The following HCN1 variants were observed in gnomAD, a reference collection of about 807,000 sequenced individuals.
The protein encoded by HCN1 is hyperpolarization activated cyclic nucleotide gated potassium channel 1.
HCN1 carries 13 observed loss-of-function variants against 78.9 expected under a neutral mutation model. The ratio of observed to expected loss-of-function variants is 0.16; its 90% CI spans 0.11 to 0.26. HCN1 has a LOEUF of 0.26. Ranked by LOEUF, HCN1 falls within the 10% of genes least tolerant of loss-of-function variation. The probability of loss-of-function intolerance (pLI) is 1.00; values close to 1 mark genes in which losing one functional copy is unlikely to be tolerated. For missense variants in HCN1, 810 were observed against 1,154.3 expected (o/e 0.70, Z 4.32); for synonymous variants, 552 against 455.5 (o/e 1.21, Z -2.70).
chr5:45,668,526 T>G (rs1448368977), intron 1 of HCN1, among the ~76,000 whole-genome samples: 5 of 151,886 alleles, frequency 3.3e-5, no homozygotes, highest in Non-Finnish European at 5.9e-5. Flanking sequence ...AATTACCCAG[T>G]CTCAGGTAGT....
intron 2 of HCN1, among the ~76,000 whole-genome samples, chr5:45,539,054 C>T (rs1413871060): frequency 6.6e-6 from 1 of 152,126 alleles, no homozygotes; most frequent in Non-Finnish European, 1.5e-5. Flanking sequence ...AGATTTAAAG[C>T]GTAGGTTCAA....
chr5:45,453,384 ATAT>A (rs560463502), intron 3 of HCN1, among the ~76,000 whole-genome samples: 16 of 152,234 alleles, frequency 1.1e-4, no homozygotes, highest in African/African-American at 3.1e-4. Context: ...AAAAAATAAG[ATAT>A]TATAATTGCC....
chr5:45,279,696 C>A (rs1745123725), intron 6 of HCN1, among the ~76,000 whole-genome samples: 1 of 152,028 alleles, frequency 6.6e-6, no homozygotes, highest in African/African-American at 2.4e-5. Flanking sequence ...TTCACTGGTA[C>A]CTCATACATT....
At chr5:45,323,725 C>A (rs1212028588) in intron 5 of HCN1, among the ~76,000 whole-genome samples, 1 of 151,882 alleles carries the variant, frequency 6.6e-6, no homozygotes, top group African/African-American at 2.4e-5. Context: ...ATCCCCCAAC[C>A]CCACGACAGG....
intron 2 of HCN1, among the ~76,000 whole-genome samples, chr5:45,635,518 C>A (rs1258748138): frequency 6.6e-6 from 1 of 152,008 alleles, no homozygotes; most frequent in African/African-American, 2.4e-5. Flanking sequence ...GCCCTGGGAC[C>A]AGTCTCCAGA....
intron 2 of HCN1, among the ~76,000 whole-genome samples, chr5:45,601,045 T>G (rs1354665237): frequency 6.6e-6 from 1 of 152,106 alleles, no homozygotes; most frequent in Non-Finnish European, 1.5e-5. Context: ...ATATATATTT[T>G]TTTTCCTATT....
At chr5:45,347,306 C>G (rs1746763966) in intron 5 of HCN1, among the ~76,000 whole-genome samples, 1 of 152,182 alleles carries the variant, frequency 6.6e-6, no homozygotes, top group Non-Finnish European at 1.5e-5. Flanking sequence ...AGCTGAGGGT[C>G]CTGTCTGTTA....
chr5:45,575,959 G>A (rs1239302994), intron 2 of HCN1: 2 of 151,938 alleles, frequency 1.3e-5, no homozygotes, highest in African/African-American at 2.4e-5. Context: ...ATAAATCTGG[G>A]CAAAATAAAT....
intron 4 of HCN1, among the ~76,000 whole-genome samples, chr5:45,374,044 T>C (rs1356442423): frequency 2.7e-5 from 3 of 109,722 alleles, no homozygotes; most frequent in Non-Finnish European, 5.1e-5. Flanking sequence ...ACATAATATA[T>C]ATTATATATA....
intron 2 of HCN1, among the ~76,000 whole-genome samples, chr5:45,607,813 T>G (rs1352070129): frequency 1.3e-5 from 2 of 151,720 alleles, no homozygotes; most frequent in Admixed American, 1.3e-4. Context: ...AGCATTGTCT[T>G]TAAAATGAGA....
intron 5 of HCN1, among the ~76,000 whole-genome samples, chr5:45,349,692 A>C (rs1287455983): frequency 1.3e-5 from 2 of 152,174 alleles, no homozygotes; most frequent in African/African-American, 4.8e-5. Context: ...TAAAGGGGAT[A>C]TCACCACCGA....
chr5:45,570,139 G>A (rs1440582648), intron 2 of HCN1, among the ~76,000 whole-genome samples: 3 of 151,728 alleles, frequency 2.0e-5, no homozygotes, highest in African/African-American at 2.4e-5. Flanking sequence ...TTATGTCACC[G>A]TGAACATCTT....
chr5:45,413,327 G>A (rs1740059722), intron 3 of HCN1, among the ~76,000 whole-genome samples: 1 of 152,008 alleles, frequency 6.6e-6, no homozygotes, highest in Non-Finnish European at 1.5e-5. Context: ...TGATTTACCT[G>A]AATTCAACAC....
At chr5:45,469,950 T>C (rs1471218454) in intron 2 of HCN1, among the ~76,000 whole-genome samples, 1 of 151,992 alleles carries the variant, frequency 6.6e-6, no homozygotes, top group African/African-American at 2.4e-5. Flanking sequence ...GTCTTTAACA[T>C]CCCAGCCTCC....
chr5:45,565,128 T>A (rs1743680416), intron 2 of HCN1, among the ~76,000 whole-genome samples: 1 of 152,196 alleles, frequency 6.6e-6, no homozygotes, highest in Admixed American at 6.5e-5. Flanking sequence ...AAATGACCAA[T>A]AAACTCATGA....
intron 5 of HCN1, among the ~76,000 whole-genome samples, chr5:45,315,043 T>C (rs1487051772): frequency 6.6e-6 from 1 of 152,142 alleles, no homozygotes; most frequent in Non-Finnish European, 1.5e-5. Context: ...GGAATTGAAC[T>C]CAGCTCTGCA....
At chr5:45,297,824 T>G (rs2111895413) in intron 6 of HCN1, among the ~76,000 whole-genome samples, 1 of 152,072 alleles carries the variant, frequency 6.6e-6, no homozygotes, top group South Asian at 2.1e-4. Flanking sequence ...ATCAAAACAA[T>G]TCACCACATT....
intron 6 of HCN1, among the ~76,000 whole-genome samples, chr5:45,302,268 T>C (rs1258587485): frequency 2.3e-5 from 3 of 130,188 alleles, no homozygotes; most frequent in Non-Finnish European, 3.0e-5. Context: ...TCAGGAGTTC[T>C]GATGGTTTAA....
chr5:45,561,623 G>A (rs936128094), intron 2 of HCN1, among the ~76,000 whole-genome samples: 2 of 151,320 alleles, frequency 1.3e-5, no homozygotes, highest in African/African-American at 2.4e-5. Context: ...CAGGTAAGAC[G>A]AGTCTCTTTG....
Sources: gnomAD v4.1 joint callset for allele counts (sites outside exome capture counted in the v4.1 genomes callset) on GRCh38, gnomAD v4.1.1 for gene constraint, MANE v1.5 for transcripts, NCBI Gene and HGNC (gene_info 2026-07-23, HGNC 2026-07-21) for gene names.